Variants in EPM2A observed in about 807,000 individuals in gnomAD.
The protein encoded by EPM2A is EPM2A glucan phosphatase, laforin.
In EPM2A, 21 loss-of-function variants were observed where a neutral mutation model predicts 26.5. The ratio of observed to expected loss-of-function variants is 0.79; its 90% CI spans 0.56 to 1.14. The LOEUF is 1.14. Ranked by LOEUF, EPM2A falls within the 50% of genes most tolerant of loss-of-function variation. The probability of loss-of-function intolerance (pLI) is 0.00; values close to 1 mark genes in which losing one functional copy is unlikely to be tolerated. For missense variants in EPM2A, 458 were observed against 440.8 expected (o/e 1.04, Z -0.35); for synonymous variants, 217 against 177.6 (o/e 1.22, Z -1.76).
chr6:145,460,448 G>A (rs898523800), intron 4 of EPM2A, among the ~76,000 whole-genome samples: 3 of 152,082 alleles, frequency 2.0e-5, no homozygotes, highest in African/African-American at 7.2e-5. Context: ...TGAAAATGCT[G>A]GCTTTTAATC....
intron 2 of EPM2A, among the ~76,000 whole-genome samples, chr6:145,505,903 T>C (rs428659): frequency 0.45 from 68,474 of 152,088 alleles, 15,448 homozygotes; most frequent in South Asian, 0.58. Flanking sequence ...AAACTATTTA[T>C]CACTAATGAC....
At chr6:145,489,512 CACA>C (rs750886492) in intron 4 of EPM2A, 12 of 587,636 alleles carry the variant, frequency 2.0e-5, no homozygotes, top group South Asian at 1.1e-4. Context: ...AACAATTCAG[CACA>C]ACAACAAATA....
intron 2 of EPM2A, among the ~76,000 whole-genome samples, chr6:145,568,462 G>A (rs1226510824): frequency 1.3e-5 from 2 of 151,932 alleles, no homozygotes; most frequent in Admixed American, 6.6e-5. Flanking sequence ...TGGGATTACA[G>A]GCACGTGCCA....
At chr6:145,434,809 T>G (rs1778967721) in intron 4 of EPM2A, among the ~76,000 whole-genome samples, 1 of 152,152 alleles carries the variant, frequency 6.6e-6, no homozygotes, top group African/African-American at 2.4e-5. Flanking sequence ...ACTGATACAG[T>G]TTGGGATTTT....
At chr6:145,714,253 C>A (rs1215821881) in intron 1 of EPM2A, among the ~76,000 whole-genome samples, 1 of 152,160 alleles carries the variant, frequency 6.6e-6, no homozygotes. Flanking sequence ...ATGCTCAAGT[C>A]CCAGATATAA....
intron 1 of EPM2A, chr6:145,705,570 A>G (rs1484276938): frequency 2.2e-6 from 1 of 456,270 alleles, no homozygotes; most frequent in Non-Finnish European, 4.4e-6. Context: ...AAACAAACAA[A>G]GAAAAAGTGC....
intron 4 of EPM2A, among the ~76,000 whole-genome samples, chr6:145,474,161 T>G (rs754480804): frequency 6.6e-6 from 1 of 151,994 alleles, no homozygotes; most frequent in Non-Finnish European, 1.5e-5. Context: ...CAATAAAAAG[T>G]TAAAAAGTAG....
intron 4 of EPM2A, among the ~76,000 whole-genome samples, chr6:145,443,364 AG>A (rs1779092430): frequency 6.6e-6 from 1 of 152,204 alleles, no homozygotes; most frequent in South Asian, 2.1e-4. Flanking sequence ...ATCCAAGAGC[AG>A]GGAAGTTTCT....
At chr6:145,467,551 A>T (rs1406472515) in intron 4 of EPM2A, among the ~76,000 whole-genome samples, 2 of 152,078 alleles carry the variant, frequency 1.3e-5, no homozygotes, top group African/African-American at 2.4e-5. Flanking sequence ...CCACTTTTTG[A>T]TATTTTCAAA....
chr6:145,417,445 G>A (rs534934544), intron 4 of EPM2A, among the ~76,000 whole-genome samples: 4 of 152,234 alleles, frequency 2.6e-5, no homozygotes, highest in African/African-American at 7.2e-5. Flanking sequence ...AATGGATTGA[G>A]TTCGTCAGGC....
At chr6:145,707,623 G>T (rs564105826) in intron 1 of EPM2A, among the ~76,000 whole-genome samples, 2 of 152,272 alleles carry the variant, frequency 1.3e-5, no homozygotes, top group African/African-American at 2.4e-5. Context: ...ATGTTCTCTT[G>T]TCTGCTGTCA....
chr6:145,403,866 T>C lies in EPM2A; in HGVS notation c.556-19769A>G, dbSNP rs774390299. 1.3e-4 allele frequency among the ~76,000 whole-genome samples: 20 copies of C among 152,174 alleles called. 1 individual carries two copies. Among genetic ancestry groups the C allele is most frequent in the Non-Finnish European group, 2.8e-4 (19 of 68,030 alleles). On this transcript the variant is annotated intron_variant, in intron 4 of 4. Transcript: ENST00000638717. The stretch of plus-strand genomic sequence containing the variant: ...CTATATTCCCTAGTGGTTGTACTAA[T>C]TTACATTCTCACCAACAGTGTACGA...
chr6:145,589,957 A>G (rs962159419), intron 2 of EPM2A, among the ~76,000 whole-genome samples: 4 of 152,132 alleles, frequency 2.6e-5, no homozygotes, highest in Admixed American at 1.3e-4. Context: ...AAACTAAACA[A>G]TCTGAAAATC....
rs1357479745 is a variant in EPM2A at position 145,735,368 on chromosome 6, C to T, written c.131G>A (p.Gly44Asp). Reference protein sequence around the residue: ...PRGAVRLRPAGTAAGDGALAL... With the variant: ...PRGAVRLRPADTAAGDGALAL... ...CAGGGCCCCGTCGCCCGCCGCGGTG[C>T]CGGCCGGCCTCAGGCGGACGGCACC... Residue 44 changes from glycine (G) to aspartate (D), a missense_variant, in exon 1 of 4, where the codon GGC (glycine) becomes GAC (aspartate). Transcript: ENST00000367519. 4 of 1,213,270 alleles carry T rather than the reference C, an allele frequency of 3.3e-6. No individual in the cohort carries two copies. The highest frequency in any genetic ancestry group is 2.7e-5 in the South Asian group (1 of 37,650). 75.2% of individuals were successfully genotyped at this position (1,213,270 alleles called of 1,614,324 possible).
At position 145,690,654 on chromosome 6, in the gene EPM2A, G is replaced by A. The variant is rs73579478; in HGVS notation, c.302-4358C>T. Among the ~76,000 whole-genome samples the A allele has an allele frequency of 8.1e-3, 1,214 of 150,298 alleles. 17 individuals are homozygous for A. Among genetic ancestry groups the A allele is most frequent in the African/African-American group, 0.028 (1,155 of 41,042 alleles). ...CTAAATGGAAAAAAAAAAAGATGCC[G>A]GATAAAGGCCAACACCAAGAGAACA... On this transcript the variant is annotated intron_variant, in intron 1 of 3. Coordinates refer to ENST00000367519, the MANE Select transcript of EPM2A (RefSeq NM_005670.4).
At chr6:145,496,770 G>A (rs71566413), downstream of EPM2A, among the ~76,000 whole-genome samples, 143 of 121,772 alleles carry the variant, frequency 1.2e-3, no homozygotes, top group African/African-American at 4.1e-3. Flanking sequence ...TCGCTCTGTC[G>A]CCCAGGCCGG....
chr6:145,640,269 T>C (rs1171502797), intron 2 of EPM2A: 2 of 152,152 alleles, frequency 1.3e-5, no homozygotes, highest in Admixed American at 6.5e-5. Context: ...ACAAAAGGTA[T>C]TGGGAGACAA....
intron 2 of EPM2A, among the ~76,000 whole-genome samples, chr6:145,566,411 G>GT (rs1259001015): frequency 6.6e-6 from 1 of 152,126 alleles, no homozygotes; most frequent in African/African-American, 2.4e-5. Context: ...GATATGCTAT[G>GT]TTTGCACACC....
At chr6:145,511,221 T>C (rs1241484971) in intron 2 of EPM2A, among the ~76,000 whole-genome samples, 3 of 152,094 alleles carry the variant, frequency 2.0e-5, no homozygotes, top group East Asian at 3.9e-4. Flanking sequence ...TTCCAAAAAA[T>C]TGAGGAAGGG....
Sources: allele counts gnomAD v4.1 joint callset (sites outside exome capture counted in the v4.1 genomes callset), GRCh38; gene constraint gnomAD v4.1.1; transcripts MANE v1.5; gene names NCBI Gene and HGNC (gene_info 2026-07-23, HGNC 2026-07-21).